Variants in EPN2 observed in about 807,000 individuals in gnomAD.
The protein encoded by EPN2 is epsin-2.
In EPN2, 34 loss-of-function variants were observed where a neutral mutation model predicts 61.7. That is an observed-to-expected ratio of 0.55 (90% CI 0.42 to 0.73). The LOEUF is 0.73. Among genes scored for constraint, EPN2 ranks in the 30% least tolerant of loss-of-function variants. The pLI is 0.00. For missense variants in EPN2, 714 were observed against 839.2 expected, an observed-to-expected ratio of 0.85 and a Z score of 1.84; for synonymous variants, 349 against 353.6, an observed-to-expected ratio of 0.99 and a Z score of 0.15.
At chr17:19,303,509 C>G (rs539517312) in intron 4 of EPN2, among the ~76,000 whole-genome samples, 35 of 152,172 alleles carry the variant, frequency 2.3e-4, no homozygotes, top group Non-Finnish European at 5.0e-4. Context: ...TCAGCCTGGC[C>G]CTCACCCTGA....
At chr17:19,291,634 G>A (rs1463104877) in intron 4 of EPN2, among the ~76,000 whole-genome samples, 1 of 151,906 alleles carries the variant, frequency 6.6e-6, no homozygotes, top group Non-Finnish European at 1.5e-5. Flanking sequence ...TAGAGATGGG[G>A]TTTCACCGTG....
intron 7 of EPN2, among the ~76,000 whole-genome samples, chr17:19,315,521 C>A (rs1331681698): frequency 6.6e-6 from 1 of 151,994 alleles, no homozygotes; most frequent in Non-Finnish European, 1.5e-5. Context: ...GACAGTCTCA[C>A]TATTGCCCAG....
intron 1 of EPN2, among the ~76,000 whole-genome samples, chr17:19,258,985 C>G (rs1340909738): frequency 6.6e-6 from 1 of 152,180 alleles, no homozygotes; most frequent in East Asian, 1.9e-4. Flanking sequence ...TTAAGAAATC[C>G]ATTTGATAGA....
At chr17:19,250,185 C>G (rs1379961348) in intron 1 of EPN2, among the ~76,000 whole-genome samples, 1 of 151,994 alleles carries the variant, frequency 6.6e-6, no homozygotes, top group Non-Finnish European at 1.5e-5. Context: ...ACCTCCGCCT[C>G]CCTGGTTCAA....
At chr17:19,289,428 G>A (rs1212263478) in intron 4 of EPN2, among the ~76,000 whole-genome samples, 1 of 152,026 alleles carries the variant, frequency 6.6e-6, no homozygotes, top group African/African-American at 2.4e-5. Context: ...CCTTGCTAGA[G>A]GACTGGGCAG....
At chr17:19,302,475 G>T (rs572796500) in intron 4 of EPN2, among the ~76,000 whole-genome samples, 1 of 152,122 alleles carries the variant, frequency 6.6e-6, no homozygotes, top group Non-Finnish European at 1.5e-5. Context: ...TCATAGGAGC[G>T]CAAACCTTAT....
chr17:19,242,186 C>G lies in EPN2; in HGVS notation c.-294+4655C>G, dbSNP rs549918312. 2.0e-5 allele frequency among the ~76,000 whole-genome samples: 3 copies of G among 150,534 alleles called. No homozygotes were observed. The East Asian group carries it at 5.8e-4, about 29-fold the overall frequency. ...CCACGGTGGCTCATGCCTGTAATCC[C>G]AGCATTTTGGGAGGCTGAGGTGGGC... On this transcript the variant is annotated intron_variant, in intron 1 of 10. Coordinates refer to ENST00000314728, the MANE Select transcript of EPN2 (RefSeq NM_014964.5).
At chr17:19,323,155 C>T (rs1344596329) in intron 7 of EPN2, among the ~76,000 whole-genome samples, 3 of 152,130 alleles carry the variant, frequency 2.0e-5, no homozygotes, top group African/African-American at 7.2e-5. Flanking sequence ...GTTTACAGTG[C>T]ATGAGAGACT....
chr17:19,325,136 C>G (rs1346089247), intron 7 of EPN2, among the ~76,000 whole-genome samples: 1 of 152,218 alleles, frequency 6.6e-6, no homozygotes, highest in African/African-American at 2.4e-5. Context: ...TTCTGCAAAT[C>G]CACCCAGAGG....
chr17:19,248,386 A>G (rs2044976403), intron 1 of EPN2: 1 of 152,266 alleles, frequency 6.6e-6, no homozygotes, highest in Non-Finnish European at 1.5e-5. Flanking sequence ...CAGGCACAGC[A>G]GGTTCTTATC....
intron 4 of EPN2, among the ~76,000 whole-genome samples, chr17:19,291,565 G>A (rs1260571465): frequency 6.7e-6 from 1 of 150,366 alleles, no homozygotes; most frequent in Non-Finnish European, 1.5e-5. Context: ...AGCCTCCTGA[G>A]TAGCTGGGAC....
chr17:19,291,249 A>G (rs1429524976), intron 4 of EPN2, among the ~76,000 whole-genome samples: 2 of 152,170 alleles, frequency 1.3e-5, no homozygotes, highest in African/African-American at 4.8e-5. Context: ...CCTGCCCAGG[A>G]CTTCATGGAG....
At chr17:19,280,884 A>G (rs913653628) in intron 1 of EPN2, among the ~76,000 whole-genome samples, 2 of 152,202 alleles carry the variant, frequency 1.3e-5, no homozygotes, top group Admixed American at 1.3e-4. Context: ...ACGCCTCTGG[A>G]ACTTCTGACC....
In EPN2 at chr17:19,335,389, C is replaced by CT. The variant is rs780936813; in HGVS notation, c.*1143dup. On this transcript the variant is annotated 3_prime_UTR_variant, in exon 11 of 11. Transcript: ENST00000314728. ...CTCACCAATTTTTATCAACTAATTC[C>CT]TTTTTTTTATTAAAGGCATGCAGGG... The CT allele has an allele frequency of 1.4e-4, 209 of 1,544,654 alleles. No individual in the cohort carries two copies. The South Asian group carries it at 1.7e-3, about 12-fold the overall frequency.
chr17:19,240,926 C>G (rs556128272), intron 1 of EPN2, among the ~76,000 whole-genome samples: 1 of 152,312 alleles, frequency 6.6e-6, no homozygotes, highest in South Asian at 2.1e-4. Context: ...TGGCTCCCTA[C>G]TGTTCTGTCG....
intron 1 of EPN2, among the ~76,000 whole-genome samples, chr17:19,268,198 G>C (rs1392414476): frequency 6.6e-6 from 1 of 152,178 alleles, no homozygotes; most frequent in African/African-American, 2.4e-5. Flanking sequence ...CTTCTCAGGA[G>C]CTGCCTGGAG....
chr17:19,335,371 A>C lies in EPN2; in HGVS notation c.*1117A>C, dbSNP rs1398157392. Reference sequence around the variant, plus strand: ...TCTAATGTATGAATGTGACTCACCAATTTTTATCAACTAATTCCTTTTTTT... The same window carrying C: ...TCTAATGTATGAATGTGACTCACCACTTTTTATCAACTAATTCCTTTTTTT... On this transcript the variant is annotated 3_prime_UTR_variant, in exon 11 of 11. Transcript: ENST00000314728. 6.5e-7 allele frequency: 1 copy of C among 1,545,726 alleles called. No individual in the cohort carries two copies. Among genetic ancestry groups the C allele is most frequent in the Admixed American group, 2.0e-5 (1 of 50,304 alleles).
intron 1 of EPN2, among the ~76,000 whole-genome samples, chr17:19,263,917 G>C (rs1420577207): frequency 6.7e-6 from 1 of 150,236 alleles, no homozygotes; most frequent in Non-Finnish European, 1.5e-5. Context: ...GAGCGAGAAG[G>C]GGGGTTAGGG....
intron 4 of EPN2, among the ~76,000 whole-genome samples, chr17:19,288,819 T>C (rs1264412351): frequency 6.6e-6 from 1 of 152,236 alleles, no homozygotes; most frequent in African/African-American, 2.4e-5. Context: ...ACACTTTCAC[T>C]GTGCTTACCT....
Sources: allele counts gnomAD v4.1 joint callset (sites outside exome capture counted in the v4.1 genomes callset), GRCh38; gene constraint gnomAD v4.1.1; transcripts MANE v1.5; gene names NCBI Gene and HGNC (gene_info 2026-07-23, HGNC 2026-07-21).